The following MAP4 variants were observed in gnomAD, a reference collection of about 807,000 sequenced individuals.
MAP4 encodes microtubule-associated protein 4.
In MAP4, 76 loss-of-function variants were observed where a neutral mutation model predicts 170.2. That is an observed-to-expected ratio of 0.45 (90% confidence interval 0.37 to 0.54). MAP4 has a LOEUF of 0.54. Ranked by LOEUF, MAP4 falls within the 20% of genes least tolerant of loss-of-function variation. The probability of loss-of-function intolerance (pLI) is 0.00; values close to 1 mark genes in which losing one functional copy is unlikely to be tolerated. For synonymous variants in MAP4, 909 were observed against 994.5 expected, an observed-to-expected ratio of 0.91 and a Z score of 1.62; for missense variants, 2,506 against 2,748.0, an observed-to-expected ratio of 0.91 and a Z score of 1.97.
chr3:47,970,583 G>C (rs2100078049), intron 3 of MAP4, among the ~76,000 whole-genome samples: 1 of 152,038 alleles, frequency 6.6e-6, no homozygotes, highest in South Asian at 2.1e-4. Context: ...GCAGAGGCAG[G>C]TGGATCACCT....
At chr3:48,013,904 C>G (rs1422064412) in intron 1 of MAP4, among the ~76,000 whole-genome samples, 2 of 152,232 alleles carry the variant, frequency 1.3e-5, no homozygotes, top group East Asian at 1.9e-4. Context: ...AGGGAACACA[C>G]AGTTTTCAAG....
intron 3 of MAP4, among the ~76,000 whole-genome samples, chr3:47,937,711 G>C (rs1450534162): frequency 6.8e-6 from 1 of 146,168 alleles, no homozygotes; most frequent in Non-Finnish European, 1.5e-5. Flanking sequence ...CCCCAGGCTG[G>C]AGCGCGATAG....
At chr3:48,001,802 GCTTA>G (rs1355535225) in intron 1 of MAP4, among the ~76,000 whole-genome samples, 1 of 152,022 alleles carries the variant, frequency 6.6e-6, no homozygotes, top group Non-Finnish European at 1.5e-5. Flanking sequence ...CGCCCAGCCT[GCTTA>G]CTTTTCTTAA....
intron 1 of MAP4, among the ~76,000 whole-genome samples, chr3:48,037,731 A>G (rs1177149540): frequency 6.6e-6 from 1 of 152,002 alleles, no homozygotes; most frequent in African/African-American, 2.4e-5. Context: ...ACCTACCTCC[A>G]TCCCTATGAA....
intron 3 of MAP4, among the ~76,000 whole-genome samples, chr3:47,958,584 T>TGGAGG (rs1345134360): frequency 6.6e-6 from 1 of 152,150 alleles, no homozygotes; most frequent in Non-Finnish European, 1.5e-5. Context: ...TGGTGCGATC[T>TGGAGG]TGACTCACTG....
chr3:47,991,662 G>A (rs1336563259), intron 2 of MAP4, among the ~76,000 whole-genome samples: 1 of 151,892 alleles, frequency 6.6e-6, no homozygotes, highest in Non-Finnish European at 1.5e-5. Flanking sequence ...GAAAGAATCT[G>A]TCTTTTCTTT....
At chr3:48,055,372 G>A (rs1209076637) in intron 1 of MAP4, among the ~76,000 whole-genome samples, 1 of 152,062 alleles carries the variant, frequency 6.6e-6, no homozygotes, top group Non-Finnish European at 1.5e-5. Flanking sequence ...GCGCCGCCAC[G>A]CCTGATTGGT....
chr3:48,003,522 G>A (rs990094553), intron 1 of MAP4, among the ~76,000 whole-genome samples: 5 of 151,482 alleles, frequency 3.3e-5, no homozygotes, highest in African/African-American at 7.3e-5. Flanking sequence ...CAAAGCACTG[G>A]ACATCAACAA....
At chr3:48,043,094 C>T (rs954968051) in intron 1 of MAP4, among the ~76,000 whole-genome samples, 2 of 152,010 alleles carry the variant, frequency 1.3e-5, no homozygotes, top group Non-Finnish European at 2.9e-5. Flanking sequence ...ATGAATTGTA[C>T]ATTTTATTTA....
chr3:48,068,175 A>G (rs1356978942), intron 1 of MAP4, among the ~76,000 whole-genome samples: 2 of 150,594 alleles, frequency 1.3e-5, no homozygotes, highest in Non-Finnish European at 3.0e-5. Flanking sequence ...TGAGGTGGGA[A>G]GATCATTTGA....
In MAP4 at chr3:47,912,028, T is replaced by C. The variant is rs2100036207; in HGVS notation, c.2393A>G (p.Lys798Arg). ...TGTGTCAGCTGCAAATGGATGACCT[T>C]TAGGCTTATCTGCATTGTCATCATC... ...PSDDDNADKP[K>R]GHPFAADTQK... Residue 798 changes from lysine to arginine, a missense_variant, in exon 9 of 21, where the codon AAA (lysine) becomes AGA (arginine). Transcript: ENST00000683076. The C allele has an allele frequency of 6.5e-7, 1 of 1,536,026 alleles. No individual in the cohort carries two copies. Among genetic ancestry groups the C allele is most frequent in the Admixed American group, 2.0e-5 (1 of 50,976 alleles).
intron 10 of MAP4, among the ~76,000 whole-genome samples, chr3:47,901,684 A>G (rs2100030093): frequency 6.6e-6 from 1 of 152,044 alleles, no homozygotes; most frequent in Non-Finnish European, 1.5e-5. Context: ...AAAAAAAAAA[A>G]AAGAATGGAA....
chr3:47,930,479 A>C (rs1352729527), intron 3 of MAP4, among the ~76,000 whole-genome samples: 1 of 152,034 alleles, frequency 6.6e-6, no homozygotes, highest in Non-Finnish European at 1.5e-5. Context: ...AACAAACAAA[A>C]AAAACAAAAG....
At chr3:47,867,554 C>T (rs918891672) in intron 16 of MAP4, among the ~76,000 whole-genome samples, 1 of 151,592 alleles carries the variant, frequency 6.6e-6, no homozygotes, top group East Asian at 1.9e-4. Context: ...GACAACACAA[C>T]GACAGGAGCA....
At chr3:47,901,584 G>A (rs915657395) in intron 10 of MAP4, among the ~76,000 whole-genome samples, 4 of 151,694 alleles carry the variant, frequency 2.6e-5, no homozygotes, top group African/African-American at 9.7e-5. Flanking sequence ...TGAGGTGGGA[G>A]TATCACCTGA....
At chr3:47,885,537 G>A (rs2097434681) in intron 10 of MAP4, among the ~76,000 whole-genome samples, 1 of 152,118 alleles carries the variant, frequency 6.6e-6, no homozygotes, top group Admixed American at 6.6e-5. Flanking sequence ...TGTATTTACA[G>A]GGGAGGAGCA....
intron 3 of MAP4, chr3:47,974,697 G>GA (rs1163671420): frequency 1.0e-6 from 1 of 975,162 alleles, no homozygotes; most frequent in African/African-American, 1.8e-5. Flanking sequence ...CAATTAGTTT[G>GA]AAAAAATTAG....
At chr3:48,055,729 G>C (rs1170823053) in intron 1 of MAP4, among the ~76,000 whole-genome samples, 1 of 97,254 alleles carries the variant, frequency 1.0e-5, no homozygotes, top group African/African-American at 4.0e-5. Context: ...GAGCGTCTCC[G>C]CCCGGCCGCC....
At chr3:47,892,589 T>G in intron 10 of MAP4, 3 of 1,429,400 alleles carry the variant, frequency 2.1e-6, no homozygotes, top group Non-Finnish European at 2.7e-6. Flanking sequence ...AATTCCCCAG[T>G]ATTCATGACA....
Sources: gnomAD v4.1 joint callset for allele counts (sites outside exome capture counted in the v4.1 genomes callset) on GRCh38, gnomAD v4.1.1 for gene constraint, MANE v1.5 for transcripts, NCBI Gene and HGNC (gene_info 2026-07-23, HGNC 2026-07-21) for gene names.